The following PSMD11 variants were observed in gnomAD, a reference collection of about 807,000 sequenced individuals.
PSMD11 encodes proteasome 26S subunit, non-ATPase 11.
A neutral mutation model predicts 62.3 loss-of-function variants in PSMD11; 5 were observed. The ratio of observed to expected loss-of-function variants is 0.08; its 90% CI spans 0.04 to 0.17. The LOEUF is 0.17. Ranked by LOEUF, PSMD11 falls within the 10% of genes least tolerant of loss-of-function variation. The probability of loss-of-function intolerance (pLI) is 1.00; values close to 1 mark genes in which losing one functional copy is unlikely to be tolerated. For missense variants in PSMD11, 310 were observed against 512.9 expected (o/e 0.60, Z 3.82); for synonymous variants, 191 against 191.8 (o/e 1.00, Z 0.03).
chr17:32,471,876 GTT>G (rs529915741), intron 6 of PSMD11, among the ~76,000 whole-genome samples: 3 of 144,444 alleles, frequency 2.1e-5, no homozygotes, highest in Non-Finnish European at 1.5e-5. Context: ...CTTTGGGCAG[GTT>G]TTTTTTTTTT....
chr17:32,459,238 T>G (rs1015576744), intron 3 of PSMD11, among the ~76,000 whole-genome samples: 1 of 151,498 alleles, frequency 6.6e-6, no homozygotes, highest in Non-Finnish European at 1.5e-5. Flanking sequence ...AAGGAATGTA[T>G]GGACTGTGCC....
At chr17:32,458,765 T>A (rs1200997773) in intron 3 of PSMD11, among the ~76,000 whole-genome samples, 1 of 152,196 alleles carries the variant, frequency 6.6e-6, no homozygotes, top group Non-Finnish European at 1.5e-5. Context: ...TATTGCCTTA[T>A]GCTTCAAACT....
At position 32,464,084 on chromosome 17, in the gene PSMD11, G is replaced by A. The variant is rs776577045; in HGVS notation, c.354G>A (p.Lys118=). Residue 118 remains lysine (K), a synonymous_variant, in exon 4 of 14, where the codon AAG becomes AAA. Transcript: ENST00000261712. ...GTTTAGAGTGCATCGAATGGGCCAA[G>A]TCAGAGAAAAGAACTTTCTTACGCC... The part of the protein sequence containing the change: ...ELCLECIEWA[K]SEKRTFLRQA... 3 of 1,614,132 alleles carry A rather than the reference G, an allele frequency of 1.9e-6. No individual in the cohort carries two copies. The highest frequency in any genetic ancestry group is 2.5e-6 in the Non-Finnish European group (3 of 1,179,988).
chr17:32,475,034 T>TCA (rs1908277821), intron 8 of PSMD11, among the ~76,000 whole-genome samples: 1 of 152,114 alleles, frequency 6.6e-6, no homozygotes, highest in African/African-American at 2.4e-5. Flanking sequence ...CTTATGGACA[T>TCA]CACGTTGTTT....
chr17:32,461,337 A>G (rs1907835385), intron 3 of PSMD11, among the ~76,000 whole-genome samples: 1 of 152,178 alleles, frequency 6.6e-6, no homozygotes, highest in Non-Finnish European at 1.5e-5. Context: ...TTGGCCTCCC[A>G]AAGTGCTGGG....
chr17:32,449,455 G>A (rs1030387750), intron 2 of PSMD11, among the ~76,000 whole-genome samples: 2 of 152,126 alleles, frequency 1.3e-5, no homozygotes, highest in Admixed American at 1.3e-4. Flanking sequence ...CTTTCCTCCA[G>A]TGGCATGAAT....
intron 3 of PSMD11, chr17:32,463,628 A>G (rs1907908392): frequency 6.1e-6 from 1 of 164,852 alleles, no homozygotes; most frequent in Non-Finnish European, 1.3e-5. Flanking sequence ...GGAATGAGGC[A>G]TTAGTGCTTA....
chr17:32,455,744 AAGTT>A (rs1477165562), intron 3 of PSMD11, among the ~76,000 whole-genome samples: 4 of 152,352 alleles, frequency 2.6e-5, no homozygotes, highest in South Asian at 2.1e-4. Flanking sequence ...AGTATATAAA[AAGTT>A]AGATGGCTAT....
rs1203273809 is a variant in PSMD11 at position 32,458,079 on chromosome 17, G to A, written c.318+3460G>A. ...CTCCCAGAGTACTGGGATTATAGGC[G>A]TGAGCTACTGCGCCCAGCTGTGGTC... is the stretch of plus-strand genomic sequence containing the variant. On this transcript the variant is annotated intron_variant, in intron 3 of 13. Coordinates refer to ENST00000261712, the MANE Select transcript of PSMD11 (RefSeq NM_002815.4). Among the ~76,000 whole-genome samples the A allele has an allele frequency of 7.2e-5, 11 of 152,274 alleles. No individual in the cohort carries two copies. In the East Asian group the frequency reaches 1.7e-3, roughly 24 times the overall value.
rs958491285 is a variant in PSMD11 at position 32,482,446 on chromosome 17, C to G, written c.*1694C>G. 2 of 152,028 alleles carry G rather than the reference C, an allele frequency of 1.3e-5. No individual in the cohort carries two copies. The highest frequency in any genetic ancestry group is 4.8e-5 in the African/African-American group (2 of 41,396). 9.4% of individuals were successfully genotyped at this position (152,028 alleles called of 1,614,324 possible). A position where few individuals can be genotyped will look rare whatever the true frequency, so the allele number is the denominator to read the frequency against. ...CCAGACAGCTCTGTGTGGCCCCACA[C>G]TAGTCTAGCTCTCATCTGGCCAAAG... On this transcript the variant is annotated 3_prime_UTR_variant, in exon 14 of 14. Coordinates refer to ENST00000261712, the MANE Select transcript of PSMD11 (RefSeq NM_002815.4).
intron 2 of PSMD11, among the ~76,000 whole-genome samples, chr17:32,450,684 TA>T: frequency 6.6e-6 from 1 of 151,772 alleles, no homozygotes. Flanking sequence ...ACTCAGTATG[TA>T]TGAAAGTGGA....
intron 3 of PSMD11, among the ~76,000 whole-genome samples, chr17:32,458,850 T>C (rs1002313223): frequency 6.6e-6 from 1 of 152,184 alleles, no homozygotes; most frequent in African/African-American, 2.4e-5. Context: ...TTCTTTACAC[T>C]GTTTCAAGTC....
Position 32,444,621 on chromosome 17 carries a change from GTCGCCGCGCCGCC to G in PSMD11, c.91+10_91+22del. On this transcript the variant is annotated splice_region_variant and intron_variant, in intron 1 of 13. Transcript: ENST00000261712. ...GACATCCTCCACTCCATCGGTAAAG[GTCGCCGCGCCGCC>G]TCCCCGGCCCCGCCGGCCCAGCTCG... 6.2e-7 allele frequency: 1 copy of G among 1,610,416 alleles called. No individual in the cohort carries two copies. Among genetic ancestry groups the G allele is most frequent in the Non-Finnish European group, 8.5e-7 (1 of 1,178,974 alleles).
chr17:32,452,337 A>ATGAATT (rs1907529690), intron 2 of PSMD11, among the ~76,000 whole-genome samples: 2 of 152,238 alleles, frequency 1.3e-5, no homozygotes, highest in Non-Finnish European at 2.9e-5. Context: ...GGTACAGGTT[A>ATGAATT]TGAATTTACA....
intron 3 of PSMD11, among the ~76,000 whole-genome samples, chr17:32,457,490 C>G (rs1350910018): frequency 2.0e-5 from 3 of 152,264 alleles, no homozygotes; most frequent in South Asian, 2.1e-4. Flanking sequence ...GCCTGCCTTG[C>G]CCTTCCAAGT....
chr17:32,480,353 G>C, intron 12 of PSMD11, 136 bp from the exon 13 acceptor site: 1 of 1,448,676 alleles, frequency 6.9e-7, no homozygotes, highest in Non-Finnish European at 9.6e-7. Context: ...ATAAGCATGT[G>C]TACATGGAAT....
chr17:32,473,694 G>GT (rs1328910020), intron 6 of PSMD11, 107 bp from the exon 7 acceptor site: 4 of 1,137,354 alleles, frequency 3.5e-6, no homozygotes, highest in Admixed American at 2.2e-5. Context: ...ATTTACAGGT[G>GT]TGAGCCACCG....
intron 3 of PSMD11, 187 bp downstream of exon 3, chr17:32,454,806 G>GT (rs1907603211): frequency 1.8e-6 from 1 of 541,450 alleles, no homozygotes; most frequent in Non-Finnish European, 3.1e-6. Flanking sequence ...GCTTTGCTTT[G>GT]TAAGTGGAGA....
chr17:32,479,966 C>T (rs1395960492), intron 11 of PSMD11, 80 bp downstream of exon 11: 1 of 1,530,104 alleles, frequency 6.5e-7, no homozygotes, highest in Non-Finnish European at 9.1e-7. Context: ...TGATTGGCCT[C>T]ATTGGAAAGC....
Sources: allele counts gnomAD v4.1 joint callset (sites outside exome capture counted in the v4.1 genomes callset), GRCh38; gene constraint gnomAD v4.1.1; transcripts MANE v1.5; gene names NCBI Gene and HGNC (gene_info 2026-07-23, HGNC 2026-07-21).